The following SDK1 variants were observed in gnomAD, a reference collection of about 807,000 sequenced individuals.
SDK1 encodes protein sidekick-1.
In SDK1, 157 loss-of-function variants were observed where a neutral mutation model predicts 245.5. That is an observed-to-expected ratio of 0.64 (90% CI 0.56 to 0.73). SDK1 has a LOEUF of 0.73. Among genes scored for constraint, SDK1 ranks in the 30% least tolerant of loss-of-function variants. The pLI, the probability that SDK1 is intolerant of heterozygous loss-of-function variation, is 0.00. For synonymous variants in SDK1, 1,647 were observed against 1,278.5 expected, an observed-to-expected ratio of 1.29 and a Z score of -6.15; for missense variants, 3,583 against 3,002.3, an observed-to-expected ratio of 1.19 and a Z score of -4.52.
chr7:4,017,184 G>A lies in SDK1; in HGVS notation c.2434G>A (p.Gly812Ser). ...RGYILRYRLA[G>S]LPGEYQQRNI... ...TTCGTGGCGCAGGTACCGCCTGGCTGGCCTTCCCGGAGAGTACCAGCAGCG... is the reference window on the plus strand; with the variant it reads ...TTCGTGGCGCAGGTACCGCCTGGCTAGCCTTCCCGGAGAGTACCAGCAGCG... Residue 812 changes from glycine (G) to serine (S), a missense_variant, in exon 17 of 45, where the codon GGC (glycine) becomes AGC (serine). Physicochemically the swap from Gly to Ser is moderately conservative, Grantham distance 56. Transcript: ENST00000404826. The A allele has an allele frequency of 6.2e-7, 1 of 1,611,222 alleles. No homozygotes were observed. The highest frequency in any genetic ancestry group is 8.5e-7 in the Non-Finnish European group (1 of 1,178,650).
chr7:3,588,586 G>A (rs2128634886), intron 1 of SDK1, among the ~76,000 whole-genome samples: 1 of 152,280 alleles, frequency 6.6e-6, no homozygotes, highest in East Asian at 1.9e-4. Context: ...TTGAGGTGAT[G>A]AAAGTCTCTT....
chr7:3,359,457 T>C (rs1780894192), intron 1 of SDK1, among the ~76,000 whole-genome samples: 1 of 152,248 alleles, frequency 6.6e-6, no homozygotes. Flanking sequence ...GGAACTGTAC[T>C]AGCAGGCTAT....
At chr7:4,202,925 C>T (rs901180014) in intron 35 of SDK1, among the ~76,000 whole-genome samples, 2 of 152,190 alleles carry the variant, frequency 1.3e-5, no homozygotes, top group Non-Finnish European at 2.9e-5. Context: ...GAACCATGAG[C>T]TGCTGGTGCT....
intron 1 of SDK1, among the ~76,000 whole-genome samples, chr7:3,557,746 T>C (rs1361099836): frequency 1.3e-5 from 2 of 152,204 alleles, no homozygotes; most frequent in Non-Finnish European, 2.9e-5. Context: ...GAATCTGTTA[T>C]TATCTCAGTT....
rs1033233242 is a variant in SDK1 at position 4,113,892 on chromosome 7, G to T, written c.3586-145G>T. The T allele has an allele frequency of 4.7e-6, 3 of 635,734 alleles. No individual in the cohort carries two copies. In the African/African-American group the frequency reaches 5.5e-5, roughly 12 times the overall value. 39.4% of individuals were successfully genotyped at this position (635,734 alleles called of 1,614,324 possible). On this transcript the variant is annotated intron_variant, in intron 24 of 44. Transcript: ENST00000404826. Reference sequence around the variant, plus strand: ...TTCACAGAACAAAAGTTTCAGGGAAGAATAAAGTAGATCCTTCTAAGACTA... The same window carrying T: ...TTCACAGAACAAAAGTTTCAGGGAATAATAAAGTAGATCCTTCTAAGACTA...
intron 1 of SDK1, among the ~76,000 whole-genome samples, chr7:3,594,048 A>C (rs1780974114): frequency 6.6e-6 from 1 of 152,112 alleles, no homozygotes. Flanking sequence ...ATCATAATCT[A>C]ATTTTAGAAC....
intron 4 of SDK1, among the ~76,000 whole-genome samples, chr7:3,693,216 A>G (rs1784481879): frequency 6.6e-6 from 1 of 152,152 alleles, no homozygotes; most frequent in Non-Finnish European, 1.5e-5. Context: ...TATAAACACC[A>G]AATTTTTTTC....
chr7:3,638,640 G>C (rs1401532710), intron 2 of SDK1, among the ~76,000 whole-genome samples: 7 of 120,956 alleles, frequency 5.8e-5, no homozygotes, highest in Admixed American at 1.8e-4. Context: ...GTTGTGGGGT[G>C]GGGGGAGGGG....
At chr7:3,795,222 C>T (rs1402265907) in intron 4 of SDK1, among the ~76,000 whole-genome samples, 1 of 152,114 alleles carries the variant, frequency 6.6e-6, no homozygotes, top group African/African-American at 2.4e-5. Context: ...GTCTGTTTTA[C>T]ATGATACTTA....
At chr7:3,432,703 A>G (rs1180839352) in intron 1 of SDK1, among the ~76,000 whole-genome samples, 1 of 152,186 alleles carries the variant, frequency 6.6e-6, no homozygotes, top group East Asian at 1.9e-4. Flanking sequence ...GCACTGTCAT[A>G]GAAGAGTGTT....
At chr7:3,641,363 AT>A (rs1447003218) in intron 3 of SDK1, among the ~76,000 whole-genome samples, 1 of 152,106 alleles carries the variant, frequency 6.6e-6, no homozygotes, top group African/African-American at 2.4e-5. Context: ...CATTTTTTAA[AT>A]TTTTTTTATC....
At chr7:3,547,299 A>T (rs555056332) in intron 1 of SDK1, among the ~76,000 whole-genome samples, 3 of 152,326 alleles carry the variant, frequency 2.0e-5, no homozygotes, top group East Asian at 3.9e-4. Context: ...CTGAATAAAA[A>T]TATGAACTAA....
chr7:3,489,456 A>G (rs184661103), intron 1 of SDK1, among the ~76,000 whole-genome samples: 9 of 152,292 alleles, frequency 5.9e-5, no homozygotes, highest in Non-Finnish European at 1.3e-4. Context: ...AGATATATAT[A>G]TTTTTACCAT....
intron 5 of SDK1, among the ~76,000 whole-genome samples, chr7:3,830,239 G>A (rs1005582128): frequency 1.3e-5 from 2 of 152,126 alleles, no homozygotes; most frequent in African/African-American, 4.8e-5. Flanking sequence ...GCAGACGGAC[G>A]ATGAGTATTC....
At chr7:4,069,023 A>G (rs897042893) in intron 20 of SDK1, among the ~76,000 whole-genome samples, 5 of 152,170 alleles carry the variant, frequency 3.3e-5, no homozygotes, top group African/African-American at 7.2e-5. Flanking sequence ...CGCCTGGCCA[A>G]ATTTTTATAA....
chr7:3,774,303 A>G (rs1051348698), intron 4 of SDK1, among the ~76,000 whole-genome samples: 2 of 152,096 alleles, frequency 1.3e-5, no homozygotes, highest in Non-Finnish European at 2.9e-5. Context: ...CAGTGGGGGA[A>G]GGTGCAGCAA....
intron 38 of SDK1, among the ~76,000 whole-genome samples, chr7:4,215,843 C>T (rs1434728876): frequency 6.6e-6 from 1 of 152,152 alleles, no homozygotes; most frequent in South Asian, 2.1e-4. Context: ...CACTCATCCC[C>T]CCTGCCCTGC....
intron 4 of SDK1, among the ~76,000 whole-genome samples, chr7:3,719,521 G>A (rs757781485): frequency 6.6e-6 from 1 of 152,078 alleles, no homozygotes; most frequent in Non-Finnish European, 1.5e-5. Flanking sequence ...TTTGACAAAG[G>A]TGCAGAAGTG....
intron 19 of SDK1, among the ~76,000 whole-genome samples, chr7:4,061,017 C>T (rs1779507634): frequency 6.6e-6 from 1 of 152,180 alleles, no homozygotes; most frequent in South Asian, 2.1e-4. Flanking sequence ...GTTTTGGTAC[C>T]AGTACCATGC....
Sources: gnomAD v4.1 joint callset for allele counts (sites outside exome capture counted in the v4.1 genomes callset) on GRCh38, gnomAD v4.1.1 for gene constraint, MANE v1.5 for transcripts, NCBI Gene and HGNC (gene_info 2026-07-23, HGNC 2026-07-21) for gene names.